Variants in HCRTR2 observed in about 807,000 individuals in gnomAD.
HCRTR2 encodes the protein hypocretin receptor 2.
HCRTR2 carries 22 observed loss-of-function variants against 49.0 expected under a neutral mutation model. That is an observed-to-expected ratio of 0.45 (90% CI 0.32 to 0.64). The LOEUF (loss-of-function observed/expected upper bound fraction) is 0.64, where lower values mean the gene tolerates loss of function less well. Ranked by LOEUF, HCRTR2 falls within the 30% of genes least tolerant of loss-of-function variation. HCRTR2 has a pLI of 0.04. For missense variants in HCRTR2, 491 were observed against 559.4 expected (o/e 0.88, Z 1.23); for synonymous variants, 236 against 205.3 (o/e 1.15, Z -1.28).
intron 1 of HCRTR2, among the ~76,000 whole-genome samples, chr6:55,196,441 A>AC (rs1288881389): frequency 6.6e-6 from 1 of 152,128 alleles, no homozygotes. Flanking sequence ...GGATGATTAG[A>AC]CATAGAGGTG....
At chr6:55,145,055 G>A (rs1053466865) in intron 1 of HCRTR2, among the ~76,000 whole-genome samples, 1 of 151,588 alleles carries the variant, frequency 6.6e-6, no homozygotes. Flanking sequence ...TTCTTTTACC[G>A]CCCTTCCCAG....
chr6:55,155,191 AAT>A (rs200527373), intron 1 of HCRTR2, among the ~76,000 whole-genome samples: 7 of 147,460 alleles, frequency 4.7e-5, no homozygotes, highest in East Asian at 2.6e-4. Context: ...TCAAAATACC[AAT>A]ATTTTTTTTT....
intron 1 of HCRTR2, among the ~76,000 whole-genome samples, chr6:55,226,385 T>C (rs1191590724): frequency 6.6e-6 from 1 of 152,198 alleles, no homozygotes; most frequent in Non-Finnish European, 1.5e-5. Flanking sequence ...TTCAGCTCAC[T>C]GCAACCTCCG....
intron 1 of HCRTR2, among the ~76,000 whole-genome samples, chr6:55,147,133 T>G (rs1296115717): frequency 6.6e-6 from 1 of 152,130 alleles, no homozygotes; most frequent in African/African-American, 2.4e-5. Flanking sequence ...TAATAATCTA[T>G]TCTAATAAAG....
At chr6:55,113,498 A>G (rs750286124) in intron 1 of HCRTR2, among the ~76,000 whole-genome samples, 10 of 152,112 alleles carry the variant, frequency 6.6e-5, no homozygotes, top group Non-Finnish European at 1.3e-4. Context: ...TCAAAAGAAG[A>G]TACACAAATG....
chr6:55,277,058 G>T (rs930126414), intron 4 of HCRTR2, among the ~76,000 whole-genome samples: 2 of 152,082 alleles, frequency 1.3e-5, no homozygotes, highest in Admixed American at 1.3e-4. Context: ...AAGATAATAT[G>T]GCTGACATCC....
Position 55,203,880 on chromosome 6 carries a change from T to A in HCRTR2, c.223+29070T>A, listed in dbSNP as rs530803958. On this transcript the variant is annotated intron_variant, in intron 1 of 6. Transcript: ENST00000370862. ...TCATTGTAAGGACTTAAGGTTTTTT[T>A]TTTTCCTCTCCAAATGAGATGGAGA... 2.0e-5 allele frequency among the ~76,000 whole-genome samples: 3 copies of A among 152,154 alleles called. No individual in the cohort carries two copies. The East Asian group carries it at 5.8e-4, about 29-fold the overall frequency.
At chr6:55,227,069 A>G (rs1766022949) in intron 1 of HCRTR2, among the ~76,000 whole-genome samples, 1 of 152,204 alleles carries the variant, frequency 6.6e-6, no homozygotes, top group African/African-American at 2.4e-5. Flanking sequence ...ATAGTAATAC[A>G]TATAATTGAT....
chr6:55,249,579 A>G (rs1162700035), intron 2 of HCRTR2, among the ~76,000 whole-genome samples: 10 of 152,158 alleles, frequency 6.6e-5, no homozygotes, highest in Non-Finnish European at 1.5e-4. Context: ...TAAAAACAGT[A>G]TATTCTCAAT....
At chr6:55,144,625 C>T (rs1324437019) in intron 1 of HCRTR2, among the ~76,000 whole-genome samples, 1 of 152,116 alleles carries the variant, frequency 6.6e-6, no homozygotes, top group Non-Finnish European at 1.5e-5. Flanking sequence ...CTAAGTAGAG[C>T]GCACGTTGGA....
intron 1 of HCRTR2, among the ~76,000 whole-genome samples, chr6:55,205,922 C>T (rs1765593090): frequency 6.6e-6 from 1 of 151,924 alleles, no homozygotes; most frequent in African/African-American, 2.4e-5. Flanking sequence ...GCGTTGCATG[C>T]CTATTTCAAA....
intron 6 of HCRTR2, 31 bp downstream of exon 6, chr6:55,280,475 C>T (rs375735619): frequency 3.2e-5 from 52 of 1,609,590 alleles, no homozygotes; most frequent in South Asian, 7.7e-5. Context: ...CCATAAGCCA[C>T]AATTGTAACC....
intron 1 of HCRTR2, among the ~76,000 whole-genome samples, chr6:55,195,764 G>A (rs1342417178): frequency 6.6e-6 from 1 of 152,120 alleles, no homozygotes; most frequent in Non-Finnish European, 1.5e-5. Context: ...AAGATCAGGA[G>A]AATGAGACCA....
Position 55,108,004 on chromosome 6 carries a change from C to G in HCRTR2, c.-378+1459C>G, listed in dbSNP as rs976125196. Among the ~76,000 whole-genome samples the G allele has an allele frequency of 2.6e-5, 4 of 151,674 alleles. No individual in the cohort carries two copies. The East Asian group carries it at 7.7e-4, about 29-fold the overall frequency. ...ACTTTTGGTTGAAAATATAATAGCA[C>G]TAAAATCAGAAAAGAAAAAAATTGA... is the stretch of plus-strand genomic sequence containing the variant. On this transcript the variant is annotated intron_variant, in intron 1 of 7. Transcript: ENST00000615358.
chr6:55,176,793 G>T (rs1304758224), intron 1 of HCRTR2, among the ~76,000 whole-genome samples: 1 of 152,188 alleles, frequency 6.6e-6, no homozygotes, highest in Non-Finnish European at 1.5e-5. Flanking sequence ...TTTATTAGAT[G>T]TGTTCCTGTT....
chr6:55,154,211 C>T (rs1484201410), intron 1 of HCRTR2, among the ~76,000 whole-genome samples: 2 of 151,780 alleles, frequency 1.3e-5, no homozygotes, highest in African/African-American at 4.8e-5. Context: ...AGTATTAATG[C>T]CAATCATTCA....
intron 1 of HCRTR2, among the ~76,000 whole-genome samples, chr6:55,131,181 C>T (rs1764350342): frequency 6.6e-6 from 1 of 151,642 alleles, no homozygotes; most frequent in Non-Finnish European, 1.5e-5. Flanking sequence ...AAGGAGGTCA[C>T]ATCTTTAGGG....
chr6:55,199,447 G>C lies in HCRTR2; in HGVS notation c.223+24637G>C, dbSNP rs1765471841. 2.6e-5 allele frequency among the ~76,000 whole-genome samples: 4 copies of C among 151,998 alleles called. No homozygotes were observed. The South Asian group carries it at 8.3e-4, about 32-fold the overall frequency. ...GCTAGAAAACAGCTGACTCATGACT[G>C]TTTTCTTTCTAATTCATTAATATGA... is the stretch of plus-strand genomic sequence containing the variant. On this transcript the variant is annotated intron_variant, in intron 1 of 6. Coordinates refer to ENST00000370862, the MANE Select transcript of HCRTR2 (RefSeq NM_001384272.1).
chr6:55,146,121 T>C (rs938133647), intron 1 of HCRTR2, among the ~76,000 whole-genome samples: 1 of 152,166 alleles, frequency 6.6e-6, no homozygotes, highest in Non-Finnish European at 1.5e-5. Context: ...CCCTGTAAAA[T>C]TGCTTGGTAC....
Sources: allele counts gnomAD v4.1 joint callset (sites outside exome capture counted in the v4.1 genomes callset), GRCh38; gene constraint gnomAD v4.1.1; transcripts MANE v1.5; gene names NCBI Gene and HGNC (gene_info 2026-07-23, HGNC 2026-07-21).